The following IDH2 variants were observed in gnomAD, a reference collection of about 807,000 sequenced individuals.
IDH2 encodes the protein isocitrate dehydrogenase [NADP], mitochondrial.
Under a neutral mutation model 50.5 loss-of-function variants are expected in IDH2, and 18 were observed. That is an observed-to-expected ratio of 0.36 (90% CI 0.25 to 0.53). IDH2 has a LOEUF of 0.53. IDH2 is among the 20% of genes least tolerant of loss of function. The probability of loss-of-function intolerance (pLI) is 0.92; values close to 1 mark genes in which losing one functional copy is unlikely to be tolerated. For missense variants in IDH2, 518 were observed against 610.7 expected, an observed-to-expected ratio of 0.85 and a Z score of 1.60; for synonymous variants, 280 against 239.8, an observed-to-expected ratio of 1.17 and a Z score of -1.55.
Position 90,085,684 on chromosome 15 carries a change from G to C in IDH2, c.968-297C>G, listed in dbSNP as rs74038813. ...AGCCTGTGGCCCACAGGGCCCAAGA[G>C]GCCACAGAGTCCTGTGGTCCCCCAC... On this transcript the variant is annotated intron_variant, in intron 7 of 10. Coordinates refer to ENST00000330062, the MANE Select transcript of IDH2 (RefSeq NM_002168.4). This position sits in a 1 kb window ranked among gnomAD's most constrained non-coding sequence, Gnocchi z 5.5. Among the ~76,000 whole-genome samples the C allele has an allele frequency of 0.03, 4,625 of 152,274 alleles. 164 individuals are homozygous for C. Among genetic ancestry groups the C allele is most frequent in the African/African-American group, 0.087 (3,601 of 41,536 alleles).
chr15:90,084,901 G>A lies in IDH2; in HGVS notation c.1186C>T (p.Gln396Ter), dbSNP rs1900816655. Residue 396 changes from glutamine to a stop codon, truncating the protein, a stop_gained, in exon 10 of 11, where the codon CAG becomes TAG. Transcript: ENST00000330062. LOFTEE classifies it high-confidence loss of function. This position sits in a 1 kb window ranked among gnomAD's most constrained non-coding sequence, Gnocchi z 5.0. ...TCCACGCACACCTTCTCCAGCATCT[G>A]GGCAAACCTATGGGGATGGGGCAGA... ...DGNQDLIRFA[Q>*]MLEKVCVETV... is the part of the protein sequence containing the mutation. The A allele has an allele frequency of 1.2e-6, 2 of 1,613,892 alleles. No individual in the cohort carries two copies. The highest frequency in any genetic ancestry group is 1.7e-5 in the Admixed American group (1 of 60,000).
intron 1 of IDH2, among the ~76,000 whole-genome samples, chr15:90,093,612 T>TAA (rs56391351): frequency 0.028 from 3,818 of 135,752 alleles, 52 homozygotes; most frequent in East Asian, 0.046. Flanking sequence ...ATTAATTAAT[T>TAA]TATTTATTTA....
At chr15:90,092,578 A>AT (rs112349201) in intron 1 of IDH2, among the ~76,000 whole-genome samples, 35,951 of 146,556 alleles carry the variant, frequency 0.25, 6,804 homozygotes, top group African/African-American at 0.54. Flanking sequence ...GCTATTTTTA[A>AT]TTTTTTTTTT....
chr15:90,099,203 C>A (rs1480630210), intron 1 of IDH2, among the ~76,000 whole-genome samples: 1 of 152,132 alleles, frequency 6.6e-6, no homozygotes, highest in Non-Finnish European at 1.5e-5. Context: ...CGAAAGCTCT[C>A]AAAAATGGCC....
chr15:90,085,060 A>G lies in IDH2; in HGVS notation c.1119T>C (p.Phe373=). The part of the protein sequence containing the change: ...PTSTNPIASI[F]AWTRGLEHRG... Reference sequence around the variant, plus strand: ...GGTGCTCCAGGCCACGTGTCCAGGCAAAGATGCTGGCGATGGGGTTGGTGC... The same window carrying G: ...GGTGCTCCAGGCCACGTGTCCAGGCGAAGATGCTGGCGATGGGGTTGGTGC... The change falls in exon 9 of 11, where the codon TTT becomes TTC. Residue 373 remains phenylalanine (F), a synonymous_variant. Coordinates refer to ENST00000330062, the MANE Select transcript of IDH2 (RefSeq NM_002168.4). This position sits in a 1 kb window ranked among gnomAD's most constrained non-coding sequence, Gnocchi z 5.5. The G allele has an allele frequency of 6.2e-7, 1 of 1,614,024 alleles. No homozygotes were observed. The highest frequency in any genetic ancestry group is 1.3e-5 in the African/African-American group (1 of 75,024).
chr15:90,091,421 G>C, intron 2 of IDH2, 132 bp downstream of exon 2: 3 of 748,308 alleles, frequency 4.0e-6, no homozygotes. Context: ...CAGAGGGAGA[G>C]AAACAGAGCT....
At position 90,085,581 on chromosome 15, in the gene IDH2, C is replaced by A. The variant is rs1426393424; in HGVS notation, c.968-194G>T. Among the ~76,000 whole-genome samples the A allele has an allele frequency of 6.6e-6, 1 of 152,188 alleles. No individual in the cohort carries two copies. Among genetic ancestry groups the A allele is most frequent in the Non-Finnish European group, 1.5e-5 (1 of 68,018 alleles). The stretch of plus-strand genomic sequence containing the variant: ...TCCTGTGGGTCTCCAGGGCCCAGCA[C>A]AGGGCTGGAGGGCACTGGAGGGTGG... On this transcript the variant is annotated intron_variant, in intron 7 of 10. Coordinates refer to ENST00000330062, the MANE Select transcript of IDH2 (RefSeq NM_002168.4). This position sits in a 1 kb window ranked among gnomAD's most constrained non-coding sequence, Gnocchi z 5.5.
chr15:90,090,084 C>G (rs1382144148), intron 3 of IDH2, among the ~76,000 whole-genome samples: 1 of 67,704 alleles, frequency 1.5e-5, no homozygotes, highest in African/African-American at 7.6e-5. Context: ...TCAGCATTAC[C>G]TTCCTCCTCC....
chr15:90,084,219 C>G lies in IDH2; in HGVS notation c.*47G>C. 1.3e-6 allele frequency: 2 copies of G among 1,542,750 alleles called. No individual in the cohort carries two copies. The highest frequency in any genetic ancestry group is 1.1e-5 in the South Asian group (1 of 88,582). ...CTCTGCCGCGCTCAGGAGGACCCGC[C>G]GGCTCAGCCCTGGCCCCTCCACTGC... On this transcript the variant is annotated 3_prime_UTR_variant, in exon 11 of 11. Transcript: ENST00000330062. The surrounding 1 kb of genome is among the most constrained non-coding windows in gnomAD (Gnocchi z 5.0).
Position 90,098,116 on chromosome 15 carries a change from T to C in IDH2, c.115+4160A>G, listed in dbSNP as rs546097091. Among the ~76,000 whole-genome samples the C allele has an allele frequency of 1.8e-3, 271 of 152,278 alleles. No homozygotes were observed. Among genetic ancestry groups the C allele is most frequent in the South Asian group, 5.4e-3 (26 of 4,822 alleles). Reference sequence around the variant, plus strand: ...AAATACACAGAGCAGCAGCTAGGCCTCCCTGAAAACCTCCGAAGTGACAGC... The same window carrying C: ...AAATACACAGAGCAGCAGCTAGGCCCCCCTGAAAACCTCCGAAGTGACAGC... On this transcript the variant is annotated intron_variant, in intron 1 of 10. Transcript: ENST00000330062. This position sits in a 1 kb window ranked among gnomAD's most constrained non-coding sequence, Gnocchi z 5.1.
At position 90,098,453 on chromosome 15, in the gene IDH2, G is replaced by A. The variant is rs1202682738; in HGVS notation, c.115+3823C>T. Among the ~76,000 whole-genome samples, 1 of 151,990 alleles carries A rather than the reference G, an allele frequency of 6.6e-6. No individual in the cohort carries two copies. The highest frequency in any genetic ancestry group is 2.4e-5 in the African/African-American group (1 of 41,336). ...GCAAAAGATCAGAGAGTGGGGAAAG[G>A]TTCCAATTCCTGGGGGCTCAAGAAG... On this transcript the variant is annotated intron_variant, in intron 1 of 10. Transcript: ENST00000330062. This position sits in a 1 kb window ranked among gnomAD's most constrained non-coding sequence, Gnocchi z 5.1.
intron 1 of IDH2, among the ~76,000 whole-genome samples, chr15:90,094,840 T>A (rs1377258210): frequency 6.6e-6 from 1 of 152,056 alleles, no homozygotes; most frequent in Admixed American, 6.6e-5. Flanking sequence ...AGGTGGAGGT[T>A]GCAGTAAGCC....
At chr15:90,094,088 C>T (rs948504019) in intron 1 of IDH2, among the ~76,000 whole-genome samples, 10 of 152,116 alleles carry the variant, frequency 6.6e-5, no homozygotes, top group African/African-American at 1.9e-4. Context: ...TGATCCCAGC[C>T]GACGCAGGTG....
chr15:90,092,970 T>C (rs1193476312), intron 1 of IDH2, among the ~76,000 whole-genome samples: 2 of 152,262 alleles, frequency 1.3e-5, no homozygotes, highest in East Asian at 1.9e-4. Context: ...TCTGGCTAGG[T>C]AGAACTACCC....
At chr15:90,094,671 T>A (rs1567258096) in intron 1 of IDH2, among the ~76,000 whole-genome samples, 1 of 152,188 alleles carries the variant, frequency 6.6e-6, no homozygotes, top group Non-Finnish European at 1.5e-5. Flanking sequence ...TTTGGGAGGC[T>A]GAGGCAGGTG....
Position 90,098,212 on chromosome 15 carries a change from C to A in IDH2, c.115+4064G>T, listed in dbSNP as rs1276227951. Among the ~76,000 whole-genome samples the A allele has an allele frequency of 6.6e-6, 1 of 152,198 alleles. No individual in the cohort carries two copies. Among genetic ancestry groups the A allele is most frequent in the Non-Finnish European group, 1.5e-5 (1 of 68,038 alleles). Reference sequence around the variant, plus strand: ...GGCGAGAGTGCAGGATGGAATTACACCAGTCACCAGAGGCACGTTAGGCTG... The same window carrying A: ...GGCGAGAGTGCAGGATGGAATTACAACAGTCACCAGAGGCACGTTAGGCTG... On this transcript the variant is annotated intron_variant, in intron 1 of 10. Transcript: ENST00000330062. The surrounding 1 kb of genome is among the most constrained non-coding windows in gnomAD (Gnocchi z 5.1).
rs1269107073 is a variant in IDH2 at position 90,083,151 on chromosome 15, G to C, written c.*1115C>G. On this transcript the variant is annotated 3_prime_UTR_variant, in exon 11 of 11. Transcript: ENST00000330062. Reference sequence around the variant, plus strand: ...TTTTTTTTTTTTTTTTTTTTTTTTTGAGACAGAGTCTTGCTCTGTCACCCA... The same window carrying C: ...TTTTTTTTTTTTTTTTTTTTTTTTTCAGACAGAGTCTTGCTCTGTCACCCA... The C allele has an allele frequency of 2.5e-4, 1 of 4,030 alleles. No individual in the cohort carries two copies. The highest frequency in any genetic ancestry group is 0.01 in the South Asian group (1 of 98). 0.2% of individuals were successfully genotyped at this position (4,030 alleles called of 1,614,324 possible).
Position 90,084,398 on chromosome 15 carries a change from G to T in IDH2, c.1272-45C>A, listed in dbSNP as rs765034363. 1.3e-6 allele frequency: 2 copies of T among 1,556,594 alleles called. No individual in the cohort carries two copies. ...CACATCAGGGGTGGCTCCAGGCCTT[G>T]CCAAGGCCATCAGCCAGGCCCTTCC... is the stretch of plus-strand genomic sequence containing the variant. On this transcript the variant is annotated intron_variant, in intron 10 of 10. Transcript: ENST00000330062. The surrounding 1 kb of genome is among the most constrained non-coding windows in gnomAD (Gnocchi z 5.0).
At chr15:90,091,361 G>A (rs1901030351) in intron 2 of IDH2, among the ~76,000 whole-genome samples, 192 bp downstream of exon 2, 1 of 152,216 alleles carries the variant, frequency 6.6e-6, no homozygotes, top group African/African-American at 2.4e-5. Context: ...ACAGGCCCCC[G>A]CCTGACGACT....
Sources: gnomAD v4.1 joint callset for allele counts (sites outside exome capture counted in the v4.1 genomes callset) on GRCh38, gnomAD v4.1.1 for gene constraint, Gnocchi (gnomAD v3.1) non-coding constraint, MANE v1.5 for transcripts, NCBI Gene and HGNC (gene_info 2026-07-23, HGNC 2026-07-21) for gene names.